Variants in SLC35A3 observed in about 807,000 individuals in gnomAD.
The protein encoded by SLC35A3 is UDP-N-acetylglucosamine transporter.
In SLC35A3, 26 loss-of-function variants were observed where a neutral mutation model predicts 39.0. The observed-to-expected ratio is 0.67, with a 90% CI of 0.49 to 0.92. SLC35A3 has a LOEUF of 0.92. SLC35A3 is among the 40% of genes least tolerant of loss of function. The pLI is 0.00. For synonymous variants in SLC35A3, 135 were observed against 133.1 expected, an observed-to-expected ratio of 1.01 and a Z score of -0.10; for missense variants, 299 against 371.6, an observed-to-expected ratio of 0.80 and a Z score of 1.61.
At chr1:99,972,461 G>T (rs1656874592) in intron 1 of SLC35A3, among the ~76,000 whole-genome samples, 2 of 149,498 alleles carry the variant, frequency 1.3e-5, no homozygotes, top group African/African-American at 5.0e-5. Flanking sequence ...TCAGCCTCTC[G>T]AGTAGCTGGG....
chr1:100,028,771 G>T lies in SLC35A3; in HGVS notation c.*6295G>T, dbSNP rs1192395101. The T allele has an allele frequency of 1.3e-5, 2 of 152,244 alleles. No homozygotes were observed. The highest frequency in any genetic ancestry group is 4.8e-5 in the African/African-American group (2 of 41,448). 9.4% of individuals were successfully genotyped at this position (152,244 alleles called of 1,614,324 possible). A position where few individuals can be genotyped will look rare whatever the true frequency, so the allele number is the denominator to read the frequency against. The stretch of plus-strand genomic sequence containing the variant: ...ATTTGAGCTTCTGCTATGGCTGAGA[G>T]TGTTTTGGTCATTGCAAATTCAGGG... On this transcript the variant is annotated 3_prime_UTR_variant, in exon 8 of 8. Transcript: ENST00000533028.
At position 100,026,086 on chromosome 1, in the gene SLC35A3, T is replaced by C. The variant is rs1557853125; in HGVS notation, c.*3610T>C. Reference sequence around the variant, plus strand: ...TCATGGAAGGAAAGGTAGCTTGATATTTAGATTCTAAGATATAATCTGAAA... The same window carrying C: ...TCATGGAAGGAAAGGTAGCTTGATACTTAGATTCTAAGATATAATCTGAAA... On this transcript the variant is annotated 3_prime_UTR_variant, in exon 8 of 8. Transcript: ENST00000533028. The C allele has an allele frequency of 6.6e-6, 1 of 152,174 alleles. No homozygotes were observed. The highest frequency in any genetic ancestry group is 2.1e-4 in the South Asian group (1 of 4,834). The allele number at this position is 152,174 out of a possible 1,614,324, so 9.4% of individuals were successfully genotyped here. A position where few individuals can be genotyped will look rare whatever the true frequency, so the allele number is the denominator to read the frequency against.
intron 1 of SLC35A3, among the ~76,000 whole-genome samples, chr1:99,976,294 G>A (rs1657102688): frequency 2.0e-5 from 3 of 152,104 alleles, no homozygotes; most frequent in South Asian, 2.1e-4. Flanking sequence ...AAGACTGTAG[G>A]TTTACCTGGA....
chr1:99,994,296 A>G (rs986408260), intron 2 of SLC35A3, among the ~76,000 whole-genome samples: 3 of 152,160 alleles, frequency 2.0e-5, no homozygotes, highest in Non-Finnish European at 2.9e-5. Context: ...CTTCATTGTC[A>G]TTATTTTACA....
chr1:100,003,381 A>C (rs1193691565), intron 3 of SLC35A3, among the ~76,000 whole-genome samples: 1 of 140,974 alleles, frequency 7.1e-6, no homozygotes, highest in Non-Finnish European at 1.5e-5. Flanking sequence ...ACACCATTGC[A>C]CTCCAGCCTG....
intron 3 of SLC35A3, among the ~76,000 whole-genome samples, chr1:99,999,835 T>C (rs1285878350): frequency 1.3e-5 from 2 of 151,862 alleles, no homozygotes; most frequent in Non-Finnish European, 2.9e-5. Flanking sequence ...CTTCCACATG[T>C]GAGTGAAAAT....
chr1:99,982,529 A>G (rs1430461380), intron 1 of SLC35A3, among the ~76,000 whole-genome samples: 2 of 152,188 alleles, frequency 1.3e-5, no homozygotes, highest in Non-Finnish European at 1.5e-5. Context: ...GTTGGCTGAT[A>G]AAACTTTGTA....
Position 100,033,628 on chromosome 1 carries a change from A to G in SLC35A3, c.*11152A>G, listed in dbSNP as rs996133976. The G allele has an allele frequency of 2.6e-5, 4 of 152,058 alleles. No individual in the cohort carries two copies. The highest frequency in any genetic ancestry group is 9.7e-5 in the African/African-American group (4 of 41,410). The allele number at this position is 152,058 out of a possible 1,614,324, so 9.4% of individuals were successfully genotyped here. ...TTATATAATGCATTTAGAGTCCCCAATTTGCTTGTCTAGGCCTCTACTATT... is the reference window on the plus strand; with the variant it reads ...TTATATAATGCATTTAGAGTCCCCAGTTTGCTTGTCTAGGCCTCTACTATT... On this transcript the variant is annotated 3_prime_UTR_variant, in exon 8 of 8. Transcript: ENST00000533028.
At chr1:100,002,317 G>C (rs1557835789) in intron 3 of SLC35A3, among the ~76,000 whole-genome samples, 1 of 151,954 alleles carries the variant, frequency 6.6e-6, no homozygotes, top group East Asian at 1.9e-4. Flanking sequence ...TTTCTTCTTT[G>C]TTCAATCTTG....
chr1:99,986,475 G>A (rs1480526775), intron 1 of SLC35A3, among the ~76,000 whole-genome samples: 2 of 151,938 alleles, frequency 1.3e-5, no homozygotes, highest in African/African-American at 4.8e-5. Flanking sequence ...AATAAATAAA[G>A]AGCATTAATA....
intron 1 of SLC35A3, among the ~76,000 whole-genome samples, chr1:99,971,616 ATTCT>A (rs1490756515): frequency 1.3e-5 from 2 of 151,990 alleles, no homozygotes; most frequent in East Asian, 3.9e-4. Context: ...CCCCAATATG[ATTCT>A]TTCTTTTTTC....
chr1:100,016,371 T>G (rs1660120854), intron 6 of SLC35A3, among the ~76,000 whole-genome samples: 1 of 141,402 alleles, frequency 7.1e-6, no homozygotes. Flanking sequence ...GCCCGGATAC[T>G]TCTATTTTTT....
At chr1:99,987,443 A>G (rs1212258950) in intron 1 of SLC35A3, among the ~76,000 whole-genome samples, 1 of 152,196 alleles carries the variant, frequency 6.6e-6, no homozygotes, top group East Asian at 1.9e-4. Flanking sequence ...GTTATAATCT[A>G]TGTATATTTA....
chr1:100,030,920 A>G lies in SLC35A3; in HGVS notation c.*8444A>G, dbSNP rs1661177093. 1 of 152,204 alleles carries G rather than the reference A, an allele frequency of 6.6e-6. No homozygotes were observed. Among genetic ancestry groups the G allele is most frequent in the South Asian group, 2.1e-4 (1 of 4,836 alleles). 9.4% of individuals were successfully genotyped at this position (152,204 alleles called of 1,614,324 possible). On this transcript the variant is annotated 3_prime_UTR_variant, in exon 8 of 8. Coordinates refer to ENST00000533028, the MANE Select transcript of SLC35A3 (RefSeq NM_012243.3). ...GATGATAGAATTATAGAAAATCATG[A>G]AAGATGTGTGCCCATGTTTCATTTT...
At chr1:99,977,977 A>G (rs999305476) in intron 1 of SLC35A3, among the ~76,000 whole-genome samples, 8 of 152,210 alleles carry the variant, frequency 5.3e-5, no homozygotes, top group African/African-American at 1.9e-4. Context: ...TTCAGTTGGC[A>G]TGTTTTGATA....
intron 1 of SLC35A3, among the ~76,000 whole-genome samples, chr1:99,980,182 ATCT>A (rs140531125): frequency 0.092 from 13,896 of 151,786 alleles, 1,131 homozygotes; most frequent in African/African-American, 0.22. Context: ...TCTATCCCCA[ATCT>A]TCTTAGTTTT....
At chr1:99,972,780 A>C (rs1294338772) in intron 1 of SLC35A3, among the ~76,000 whole-genome samples, 1 of 152,210 alleles carries the variant, frequency 6.6e-6, no homozygotes, top group African/African-American at 2.4e-5. Context: ...GTTGTTATAG[A>C]AACTTACTGT....
rs1230158545 is a variant in SLC35A3 at position 100,031,763 on chromosome 1, T to C, written c.*9287T>C. ...ATGATTTTTTATAGCTTTTTTGTTT[T>C]GGAACGAGGGTAAAATCAAGGTTAA... On this transcript the variant is annotated 3_prime_UTR_variant, in exon 8 of 8. Coordinates refer to ENST00000533028, the MANE Select transcript of SLC35A3 (RefSeq NM_012243.3). 6.6e-6 allele frequency: 1 copy of C among 152,236 alleles called. No individual in the cohort carries two copies. Among genetic ancestry groups the C allele is most frequent in the Non-Finnish European group, 1.5e-5 (1 of 68,046 alleles). The allele number at this position is 152,236 out of a possible 1,614,324, so 9.4% of individuals were successfully genotyped here.
rs1659099593 is a variant in SLC35A3 at position 100,004,868 on chromosome 1, T to C, written c.343-2166T>C. Among the ~76,000 whole-genome samples, 3 of 152,084 alleles carry C rather than the reference T, an allele frequency of 2.0e-5. No individual in the cohort carries two copies. The South Asian group carries it at 6.2e-4, about 32-fold the overall frequency. ...TGTCCTCCTGCCTCATCCTTCCAGG[T>C]AGCTAGACCACAATCGCACTCTACC... On this transcript the variant is annotated intron_variant, in intron 3 of 7. Coordinates refer to ENST00000533028, the MANE Select transcript of SLC35A3 (RefSeq NM_012243.3).
Sources: gnomAD v4.1 joint callset for allele counts (sites outside exome capture counted in the v4.1 genomes callset) on GRCh38, gnomAD v4.1.1 for gene constraint, MANE v1.5 for transcripts, NCBI Gene and HGNC (gene_info 2026-07-23, HGNC 2026-07-21) for gene names.